The following MCTP2 variants were observed in gnomAD, a reference collection of about 807,000 sequenced individuals.
MCTP2 encodes the protein multiple C2 and transmembrane domain-containing protein 2.
In MCTP2, 132 loss-of-function variants were observed where a neutral mutation model predicts 111.6. That is an observed-to-expected ratio of 1.18 (90% CI 1.03 to 1.37). The LOEUF is 1.37. MCTP2 is among the 40% of genes most tolerant of loss of function. The pLI is 0.00. For synonymous variants in MCTP2, 395 were observed against 387.7 expected (o/e 1.02, Z -0.22); for missense variants, 1,183 against 1,067.9 (o/e 1.11, Z -1.50).
chr15:94,245,356 G>GTA (rs200909576), intron 1 of MCTP2, among the ~76,000 whole-genome samples: 6 of 111,216 alleles, frequency 5.4e-5, no homozygotes, highest in South Asian at 3.3e-4. Flanking sequence ...ACATACATAT[G>GTA]TATATATATT....
chr15:94,348,698 G>C (rs11633938), intron 8 of MCTP2, among the ~76,000 whole-genome samples: 25,765 of 150,858 alleles, frequency 0.17, 2,690 homozygotes, highest in East Asian at 0.31. Flanking sequence ...GTTGGCCCAG[G>C]AAGTAGTACA....
chr15:94,243,407 A>G (rs564429049), intron 1 of MCTP2, among the ~76,000 whole-genome samples: 24 of 143,790 alleles, frequency 1.7e-4, no homozygotes, highest in African/African-American at 4.9e-4. Context: ...GCGTATGTAC[A>G]TACATACGTA....
chr15:94,260,440 C>T (rs142213747), intron 1 of MCTP2, among the ~76,000 whole-genome samples: 3 of 152,286 alleles, frequency 2.0e-5, no homozygotes, highest in African/African-American at 4.8e-5. Context: ...CTTCTTTCTG[C>T]CCTCTCGTCT....
chr15:94,317,285 T>A (rs986679673), intron 4 of MCTP2, among the ~76,000 whole-genome samples: 6 of 152,132 alleles, frequency 3.9e-5, no homozygotes, highest in African/African-American at 1.4e-4. Context: ...GTTTTTCTCT[T>A]CCCCCATCTG....
intron 2 of MCTP2, among the ~76,000 whole-genome samples, chr15:94,300,823 T>C (rs891533184): frequency 2.6e-5 from 4 of 152,062 alleles, no homozygotes; most frequent in African/African-American, 9.7e-5. Flanking sequence ...GATAGTGTGC[T>C]TGCCAGGTGA....
chr15:94,243,686 C>A (rs1256838935), intron 1 of MCTP2, among the ~76,000 whole-genome samples: 1 of 144,806 alleles, frequency 6.9e-6, no homozygotes, highest in Non-Finnish European at 1.5e-5. Context: ...TATATGTATA[C>A]ACATACATAT....
intron 1 of MCTP2, among the ~76,000 whole-genome samples, chr15:94,261,543 G>C (rs547301652): frequency 3.3e-5 from 5 of 152,082 alleles, no homozygotes; most frequent in Non-Finnish European, 5.9e-5. Flanking sequence ...TATAAATTAC[G>C]TCTGTAACAT....
At chr15:94,452,062 A>T (rs1643924015) in intron 19 of MCTP2, among the ~76,000 whole-genome samples, 1 of 152,104 alleles carries the variant, frequency 6.6e-6, no homozygotes. Flanking sequence ...ACTTGCCATG[A>T]TCACCAAGCT....
intron 1 of MCTP2, chr15:94,273,960 G>C (rs950974226): frequency 4.5e-6 from 1 of 223,836 alleles, no homozygotes; most frequent in African/African-American, 2.4e-5. Flanking sequence ...TTGGAAAAGA[G>C]ACAGGCAAAT....
intron 14 of MCTP2, among the ~76,000 whole-genome samples, chr15:94,387,723 A>G (rs1466095071): frequency 6.6e-6 from 1 of 152,238 alleles, no homozygotes; most frequent in East Asian, 1.9e-4. Flanking sequence ...TAAACAAAAC[A>G]AAAGCAATAT....
chr15:94,443,627 G>A (rs534212917), intron 19 of MCTP2, among the ~76,000 whole-genome samples: 29 of 152,136 alleles, frequency 1.9e-4, no homozygotes, highest in Non-Finnish European at 3.1e-4. Context: ...AACCTTGAGA[G>A]TAAGTATCCA....
Position 94,470,362 on chromosome 15 carries a change from C to T in MCTP2, c.2390C>T (p.Ser797Leu). Residue 797 changes from serine (S) to leucine (L), a missense_variant, in exon 21 of 23, where the codon TCA becomes TTA. Coordinates refer to ENST00000357742, the MANE Select transcript of MCTP2 (RefSeq NM_001385001.1). ...NTFNWTVPFL[S>L]SLACLILAAA... ...TTTAACTGGACGGTCCCCTTCCTTT[C>T]ATCTCTGGCCTGTTTGATTCTGGCA... 6.2e-7 allele frequency: 1 copy of T among 1,613,612 alleles called. No homozygotes were observed. The highest frequency in any genetic ancestry group is 1.1e-5 in the South Asian group (1 of 91,062).
At chr15:94,236,317 AT>A (rs1209695347) in intron 1 of MCTP2, among the ~76,000 whole-genome samples, 471 of 107,590 alleles carry the variant, frequency 4.4e-3, no homozygotes, top group African/African-American at 0.016. Flanking sequence ...GTCCTATTAC[AT>A]TTTTTTTTTC....
chr15:94,354,732 A>C (rs148151042), intron 8 of MCTP2, among the ~76,000 whole-genome samples: 141 of 152,328 alleles, frequency 9.3e-4, no homozygotes, highest in African/African-American at 3.2e-3. Context: ...CAAAATACCT[A>C]GTGTGGCATT....
At chr15:94,467,025 A>G (rs1011614395) in intron 20 of MCTP2, among the ~76,000 whole-genome samples, 3 of 152,214 alleles carry the variant, frequency 2.0e-5, no homozygotes, top group South Asian at 4.1e-4. Flanking sequence ...GAGGGTAGCT[A>G]ACACTTATTA....
At position 94,399,009 on chromosome 15, in the gene MCTP2, G is replaced by A; in HGVS notation, c.1837G>A (p.Glu613Lys). 1 of 1,568,888 alleles carries A rather than the reference G, an allele frequency of 6.4e-7. No individual in the cohort carries two copies. The highest frequency in any genetic ancestry group is 8.8e-7 in the Non-Finnish European group (1 of 1,139,302). ...NCYVLKNKDLEQAFKGVIYLE... is the reference protein window; with the variant it reads ...NCYVLKNKDLKQAFKGVIYLE... ...TTATGTACTAAAGAATAAAGATTTA[G>A]AACAAGCTTTTAAAGGAGTTATTTA... is the stretch of plus-strand genomic sequence containing the variant. Residue 613 changes from glutamate to lysine, a missense_variant, in exon 15 of 23, where the codon GAA becomes AAA. Glu to Lys is a moderately conservative substitution (Grantham distance 56). Coordinates refer to ENST00000357742, the MANE Select transcript of MCTP2 (RefSeq NM_001385001.1).
intron 4 of MCTP2, among the ~76,000 whole-genome samples, chr15:94,327,719 G>T (rs1466976447): frequency 2.0e-5 from 3 of 152,202 alleles, no homozygotes; most frequent in Non-Finnish European, 4.4e-5. Flanking sequence ...AGTGATTAGA[G>T]CTGAGTTTTA....
intron 17 of MCTP2, among the ~76,000 whole-genome samples, chr15:94,439,096 A>G (rs918987485): frequency 6.6e-6 from 1 of 152,190 alleles, no homozygotes; most frequent in Non-Finnish European, 1.5e-5. Context: ...TATGTAAATT[A>G]TTTGCTTTTA....
rs541781184 is a variant in MCTP2 at position 94,273,554 on chromosome 15, A to G, written c.-65-24647A>G. The stretch of plus-strand genomic sequence containing the variant: ...AGCAAAAACTGCAAACGTCACTTCA[A>G]TGCCCCCTCGCAGGTATGCAGGAAG... On this transcript the variant is annotated intron_variant, in intron 1 of 22. Coordinates refer to ENST00000357742, the MANE Select transcript of MCTP2 (RefSeq NM_001385001.1). 330 of 200,366 alleles carry G rather than the reference A, an allele frequency of 1.6e-3. 6 individuals are homozygous for G. In the South Asian group the frequency reaches 0.021, roughly 13 times the overall value. 12.4% of individuals were successfully genotyped at this position (200,366 alleles called of 1,614,324 possible).
Sources: allele counts gnomAD v4.1 joint callset (sites outside exome capture counted in the v4.1 genomes callset), GRCh38; gene constraint gnomAD v4.1.1; transcripts MANE v1.5; gene names NCBI Gene and HGNC (gene_info 2026-07-23, HGNC 2026-07-21).